Variants in CNTN1 observed in about 807,000 individuals in gnomAD.
The protein encoded by CNTN1 is contactin-1.
Under a neutral mutation model 126.4 loss-of-function variants are expected in CNTN1, and 38 were observed. The observed-to-expected ratio is 0.30, with a 90% CI of 0.23 to 0.39. The LOEUF (loss-of-function observed/expected upper bound fraction) is 0.39, where lower values mean the gene tolerates loss of function less well. CNTN1 is among the 10% of genes least tolerant of loss of function. The pLI is 1.00. For synonymous variants in CNTN1, 413 were observed against 422.6 expected (o/e 0.98, Z 0.28); for missense variants, 1,009 against 1,248.4 (o/e 0.81, Z 2.89).
chr12:40,778,215 A>G (rs917736299), intron 1 of CNTN1, among the ~76,000 whole-genome samples: 1 of 151,860 alleles, frequency 6.6e-6, no homozygotes. Flanking sequence ...TCTTGGCTTC[A>G]CCATTTCCAT....
At chr12:41,059,838 A>G (rs1949902026) in intron 23 of CNTN1, among the ~76,000 whole-genome samples, 1 of 152,110 alleles carries the variant, frequency 6.6e-6, no homozygotes, top group East Asian at 1.9e-4. Flanking sequence ...CAGCCTGGGC[A>G]ACATTGTGAG....
intron 1 of CNTN1, among the ~76,000 whole-genome samples, chr12:40,874,021 C>T (rs1356122436): frequency 1.3e-5 from 2 of 152,008 alleles, no homozygotes; most frequent in African/African-American, 4.8e-5. Flanking sequence ...GTATTCTTTC[C>T]ACTAGAAATG....
intron 23 of CNTN1, among the ~76,000 whole-genome samples, chr12:41,062,230 C>T (rs1949950990): frequency 6.6e-6 from 1 of 152,002 alleles, no homozygotes; most frequent in African/African-American, 2.4e-5. Flanking sequence ...TAACGTTTTC[C>T]CCAAGAAACT....
chr12:40,798,604 C>T (rs919417920), intron 1 of CNTN1, among the ~76,000 whole-genome samples: 1 of 151,830 alleles, frequency 6.6e-6, no homozygotes, highest in Admixed American at 6.6e-5. Flanking sequence ...AAGGATGGAA[C>T]TGGAGGCCGT....
chr12:40,717,095 A>T (rs912451484), intron 1 of CNTN1, among the ~76,000 whole-genome samples: 1 of 152,186 alleles, frequency 6.6e-6, no homozygotes, highest in Non-Finnish European at 1.5e-5. Flanking sequence ...TCTGTTTTAT[A>T]AGAAAGGCTC....
intron 23 of CNTN1, among the ~76,000 whole-genome samples, chr12:41,053,731 A>T (rs1949739624): frequency 6.6e-6 from 1 of 151,416 alleles, no homozygotes; most frequent in South Asian, 2.1e-4. Context: ...CAAATAATAT[A>T]ATGCTAGCTC....
At chr12:41,022,367 A>G (rs1025421535) in intron 20 of CNTN1, among the ~76,000 whole-genome samples, 27 of 152,344 alleles carry the variant, frequency 1.8e-4, no homozygotes, top group African/African-American at 2.4e-4. Flanking sequence ...TCCAACTTAC[A>G]TTAAGTAAAA....
In CNTN1 at chr12:41,070,061, A is replaced by C. The variant is rs758731293; in HGVS notation, c.*26A>C. The C allele has an allele frequency of 3.1e-6, 5 of 1,605,274 alleles. No homozygotes were observed. In the African/African-American group the frequency reaches 5.4e-5, roughly 17 times the overall value. ...ATGTGTTGTGACAGCTGCTGTTCCC[A>C]TCCCAGCTCAGAAGACACCCTTCAA... is the stretch of plus-strand genomic sequence containing the variant. On this transcript the variant is annotated 3_prime_UTR_variant, in exon 24 of 24. Coordinates refer to ENST00000551295, the MANE Select transcript of CNTN1 (RefSeq NM_001843.4).
intron 1 of CNTN1, among the ~76,000 whole-genome samples, chr12:40,867,613 A>C (rs1246857734): frequency 2.0e-5 from 3 of 152,086 alleles, no homozygotes; most frequent in Admixed American, 1.3e-4. Flanking sequence ...AGTATATATA[A>C]ATTTTATTTG....
At chr12:40,968,621 G>A (rs1947387445) in intron 15 of CNTN1, among the ~76,000 whole-genome samples, 1 of 152,038 alleles carries the variant, frequency 6.6e-6, no homozygotes, top group South Asian at 2.1e-4. Flanking sequence ...AGATTATAAT[G>A]TCTACACTTA....
At chr12:41,006,841 A>T (rs1481611062) in intron 17 of CNTN1, among the ~76,000 whole-genome samples, 1 of 151,980 alleles carries the variant, frequency 6.6e-6, no homozygotes, top group East Asian at 1.9e-4. Flanking sequence ...GACTTCATCC[A>T]GATGGCTGGG....
chr12:40,711,574 C>G (rs1436839424), intron 1 of CNTN1, among the ~76,000 whole-genome samples: 1 of 152,094 alleles, frequency 6.6e-6, no homozygotes, highest in Admixed American at 6.6e-5. Flanking sequence ...AGAAATTAAA[C>G]AAACGAAAAC....
At chr12:40,718,828 C>T (rs1942117129) in intron 1 of CNTN1, among the ~76,000 whole-genome samples, 1 of 152,076 alleles carries the variant, frequency 6.6e-6, no homozygotes, top group African/African-American at 2.4e-5. Flanking sequence ...TTCTCTCACC[C>T]TACTGTTATC....
chr12:40,757,293 C>A (rs1565692699), intron 1 of CNTN1, among the ~76,000 whole-genome samples: 9 of 151,994 alleles, frequency 5.9e-5, no homozygotes, highest in Non-Finnish European at 1.2e-4. Flanking sequence ...TTGGGAAGGA[C>A]AAAACTTTCA....
chr12:40,848,912 A>G (rs1030051354), intron 1 of CNTN1, among the ~76,000 whole-genome samples: 1 of 151,698 alleles, frequency 6.6e-6, no homozygotes, highest in African/African-American at 2.4e-5. Context: ...TTGCCCTCTT[A>G]AATAAAATAA....
At chr12:40,771,537 A>G (rs1417990936) in intron 1 of CNTN1, among the ~76,000 whole-genome samples, 1 of 152,076 alleles carries the variant, frequency 6.6e-6, no homozygotes, top group Non-Finnish European at 1.5e-5. Flanking sequence ...AAACCTGACT[A>G]TTTATCTAAT....
intron 1 of CNTN1, among the ~76,000 whole-genome samples, chr12:40,775,478 CTT>C (rs1939543283): frequency 2.0e-5 from 3 of 151,356 alleles, no homozygotes; most frequent in South Asian, 4.2e-4. Context: ...ATAAATGTCT[CTT>C]TGATTACAGA....
At chr12:40,762,150 T>C (rs1277664006) in intron 1 of CNTN1, among the ~76,000 whole-genome samples, 2 of 152,230 alleles carry the variant, frequency 1.3e-5, no homozygotes, top group Admixed American at 6.5e-5. Flanking sequence ...GACTTTATTT[T>C]CTTTCAAAGG....
chr12:40,928,790 C>G (rs1015829963), intron 6 of CNTN1, among the ~76,000 whole-genome samples: 2 of 152,042 alleles, frequency 1.3e-5, no homozygotes, highest in Admixed American at 6.6e-5. Flanking sequence ...TGCTTTCACA[C>G]TCTCTTTGAA....
Sources: gnomAD v4.1 joint callset for allele counts (sites outside exome capture counted in the v4.1 genomes callset) on GRCh38, gnomAD v4.1.1 for gene constraint, MANE v1.5 for transcripts, NCBI Gene and HGNC (gene_info 2026-07-23, HGNC 2026-07-21) for gene names.